Variants in FBN3 observed in about 807,000 individuals in gnomAD.
FBN3 encodes the protein fibrillin-3.
FBN3 carries 234 observed loss-of-function variants against 330.1 expected under a neutral mutation model. That is an observed-to-expected ratio of 0.71 (90% CI 0.64 to 0.79). FBN3 has a LOEUF of 0.79. Ranked by LOEUF, FBN3 falls within the 30% of genes least tolerant of loss-of-function variation. The pLI, the probability that FBN3 is intolerant of heterozygous loss-of-function variation, is 0.00. For synonymous variants in FBN3, 1,458 were observed against 1,517.3 expected, an observed-to-expected ratio of 0.96 and a Z score of 0.91; for missense variants, 3,606 against 3,886.9, an observed-to-expected ratio of 0.93 and a Z score of 1.92.
chr19:8,077,024 A>G (rs964314457), intron 59 of FBN3, among the ~76,000 whole-genome samples: 3 of 152,176 alleles, frequency 2.0e-5, no homozygotes, highest in African/African-American at 7.2e-5. Flanking sequence ...TCAGCCTCCC[A>G]AAGTGCTGGG....
rs530026176 is a variant in FBN3 at position 8,072,795 on chromosome 19, C to T, written c.7937+268G>A. Among the ~76,000 whole-genome samples, 186 of 152,132 alleles carry T rather than the reference C, an allele frequency of 1.2e-3. 1 individual carries two copies. The highest frequency in any genetic ancestry group is 3.9e-3 in the African/African-American group (162 of 41,508). On this transcript the variant is annotated intron_variant, in intron 62 of 63. Transcript: ENST00000600128. ...ACAAGGGTGCCCACGCATGCTGGTACGGGTGTGTGCCATGTGGACAACTAC... is the reference window on the plus strand; with the variant it reads ...ACAAGGGTGCCCACGCATGCTGGTATGGGTGTGTGCCATGTGGACAACTAC...
intron 61 of FBN3, among the ~76,000 whole-genome samples, chr19:8,073,734 C>T (rs1302290131): frequency 6.6e-6 from 1 of 152,194 alleles, no homozygotes; most frequent in Non-Finnish European, 1.5e-5. Context: ...GGCTGGAGTG[C>T]AGTGGTGCAA....
At chr19:8,116,922 G>C (rs1229451801) in intron 28 of FBN3, 123 bp from the exon 29 acceptor site, 2 of 1,273,116 alleles carry the variant, frequency 1.6e-6, no homozygotes, top group Admixed American at 2.4e-5. Flanking sequence ...CACTCGAGTA[G>C]TCTGGGGGCG....
chr19:8,098,902 C>T (rs2082268229), intron 41 of FBN3, among the ~76,000 whole-genome samples: 1 of 152,234 alleles, frequency 6.6e-6, no homozygotes, highest in East Asian at 1.9e-4. Flanking sequence ...CCTAAGTGTC[C>T]ATCAGTGGGG....
rs953858262 is a variant in FBN3 at position 8,133,098 on chromosome 19, C to T, written c.1600G>A (p.Glu534Lys). ...PDGKNCVDHN[E>K]CATSTMCVNG... ...ACGCACATGGTGCTGGTGGCACACT[C>T]GTTGTGGTCTGGGGACAACAGCAGA... is the stretch of plus-strand genomic sequence containing the variant. The change falls in exon 14 of 64, where the codon GAG becomes AAG. Residue 534 changes from glutamate (E) to lysine (K), a missense_variant. Glu to Lys is a moderately conservative substitution (Grantham distance 56). Transcript: ENST00000600128. The T allele has an allele frequency of 1.5e-5, 24 of 1,575,772 alleles. No individual in the cohort carries two copies. In the African/African-American group the frequency reaches 2.3e-4, roughly 15 times the overall value.
Position 8,136,051 on chromosome 19 carries a change from G to A in FBN3, c.1501C>T (p.His501Tyr). 6.2e-7 allele frequency: 1 copy of A among 1,613,432 alleles called. No individual in the cohort carries two copies. Among genetic ancestry groups the A allele is most frequent in the Non-Finnish European group, 8.5e-7 (1 of 1,179,792 alleles). Reference protein sequence around the residue: ...DECIVSGGLCHLGRCVNTEGS... With the variant: ...DECIVSGGLCYLGRCVNTEGS... Reference sequence around the variant, plus strand: ...TCTGTGTTGACACAGCGGCCCAGGTGACAAAGGCCACCACTGACAATGCAC... The same window carrying A: ...TCTGTGTTGACACAGCGGCCCAGGTAACAAAGGCCACCACTGACAATGCAC... The change falls in exon 13 of 64, where the codon CAC becomes TAC. Residue 501 changes from histidine (H) to tyrosine (Y), a missense_variant. Coordinates refer to ENST00000600128, the MANE Select transcript of FBN3 (RefSeq NM_032447.5).
intron 61 of FBN3, among the ~76,000 whole-genome samples, chr19:8,073,962 C>T (rs1001841175): frequency 2.6e-5 from 4 of 152,152 alleles, no homozygotes; most frequent in South Asian, 2.1e-4. Flanking sequence ...ACTACCATGG[C>T]GGATCCCAAT....
intron 7 of FBN3, 46 bp downstream of exon 7, chr19:8,141,894 C>A: frequency 6.2e-7 from 1 of 1,612,430 alleles, no homozygotes; most frequent in Non-Finnish European, 8.5e-7. Flanking sequence ...GAGGGAAGAA[C>A]CAAGGCAGCT....
chr19:8,135,936 G>GTCCCCCCCCCCCCC, intron 13 of FBN3, 25 bp downstream of exon 13: 1 of 668,778 alleles, frequency 1.5e-6, no homozygotes, highest in Non-Finnish European at 2.4e-6. Flanking sequence ...GGAAGCCCCT[G>GTCCCCCCCCCCCCC]CCCACCCGCC....
chr19:8,131,026 T>G lies in FBN3; in HGVS notation c.2044+209A>C, dbSNP rs2083133707. ...CCGGGACAGATTCTCCCTCAAAGCC[T>G]CCAAGGGAACCAGCCCTGCCCGCAC... On this transcript the variant is annotated intron_variant, in intron 16 of 63. Coordinates refer to ENST00000600128, the MANE Select transcript of FBN3 (RefSeq NM_032447.5). This position sits in a 1 kb window ranked among gnomAD's most constrained non-coding sequence, Gnocchi z 4.5. Among the ~76,000 whole-genome samples, 1 of 152,148 alleles carries G rather than the reference T, an allele frequency of 6.6e-6. No individual in the cohort carries two copies. The highest frequency in any genetic ancestry group is 1.5e-5 in the Non-Finnish European group (1 of 67,976).
chr19:8,073,009 G>A (rs1000577088), intron 62 of FBN3, 54 bp downstream of exon 62: 34 of 1,143,762 alleles, frequency 3.0e-5, no homozygotes, highest in African/African-American at 1.6e-4. Flanking sequence ...GTGTGCGTGC[G>A]TGCATGGACG....
intron 63 of FBN3, 92 bp from the exon 64 acceptor site, chr19:8,066,352 T>G: frequency 5.5e-6 from 5 of 914,152 alleles, no homozygotes; most frequent in Non-Finnish European, 8.2e-6. Context: ...AAAGAGGAGA[T>G]TCTGGCCAAT....
Position 8,131,313 on chromosome 19 carries a change from A to G in FBN3, c.1991-25T>C. 1.2e-6 allele frequency: 2 copies of G among 1,610,212 alleles called. No homozygotes were observed. Among genetic ancestry groups the G allele is most frequent in the Non-Finnish European group, 1.7e-6 (2 of 1,178,744 alleles). On this transcript the variant is annotated intron_variant, in intron 15 of 63. Transcript: ENST00000600128. The surrounding 1 kb of genome is among the most constrained non-coding windows in gnomAD (Gnocchi z 4.5). ...GCTGGGGATGGAGGGACAGAGTGAG[A>G]CGGGTCAGGGAGCTTAGCCATGGCT...
chr19:8,111,248 G>C, intron 32 of FBN3, 65 bp from the exon 33 acceptor site: 4 of 1,518,428 alleles, frequency 2.6e-6, no homozygotes, highest in Middle Eastern at 1.8e-4. Flanking sequence ...GGGTGGGCAG[G>C]AGGCCCCAGT....
chr19:8,140,627 T>C (rs2083389567), intron 8 of FBN3, among the ~76,000 whole-genome samples: 1 of 152,114 alleles, frequency 6.6e-6, no homozygotes, highest in Admixed American at 6.6e-5. Flanking sequence ...TCAATCTTCA[T>C]TGAGCTAGGT....
At position 8,086,280 on chromosome 19, in the gene FBN3, C is replaced by G. The variant is rs1205708353; in HGVS notation, c.6800G>C (p.Arg2267Pro). 101 of 1,611,734 alleles carry G rather than the reference C, an allele frequency of 6.3e-5. No homozygotes were observed. The highest frequency in any genetic ancestry group is 8.1e-5 in the Non-Finnish European group (95 of 1,178,760). Residue 2267 changes from arginine to proline, a missense_variant, in exon 55 of 64, where the codon CGC (arginine) becomes CCC (proline). Transcript: ENST00000600128. ...HAQPDLCVNG[R>P]CVNTAGSFRC... ...GAAGCTGCCCGCGGTGTTGACACAG[C>G]GGCCGTTGACACAGAGGTCAGGCTG...
At position 8,143,494 on chromosome 19, in the gene FBN3, TTTC is replaced by T. The variant is rs923834607; in HGVS notation, c.542-1360_542-1358del. On this transcript the variant is annotated intron_variant, in intron 6 of 63. Transcript: ENST00000600128. Reference sequence around the variant, plus strand: ...TGTCCGTTCTCCTTTTTTCTTTTCTTTTCTTTTTTTTTTTTTTTTTGAGACAGG... The same window carrying T: ...TGTCCGTTCTCCTTTTTTCTTTTCTTTTTTTTTTTTTTTTTTTGAGACAGG... Among the ~76,000 whole-genome samples, 3 of 119,598 alleles carry T rather than the reference TTTC, an allele frequency of 2.5e-5. No homozygotes were observed. The East Asian group carries it at 7.2e-4, about 29-fold the overall frequency. The allele number at this position is 119,598 out of a possible 152,430, so 78.5% of individuals were successfully genotyped here.
chr19:8,106,310 G>A, intron 37 of FBN3, 77 bp from the exon 38 acceptor site: 1 of 1,516,742 alleles, frequency 6.6e-7, no homozygotes, highest in Middle Eastern at 1.7e-4. Flanking sequence ...ACCATGCTCT[G>A]GGTTCTCCAG....
chr19:8,089,825 AC>A, intron 50 of FBN3, 68 bp downstream of exon 50: 2 of 1,534,374 alleles, frequency 1.3e-6, no homozygotes, highest in South Asian at 2.5e-5. Flanking sequence ...AAACTCAGAG[AC>A]CCAGGCAGTG....
Sources: allele counts gnomAD v4.1 joint callset (sites outside exome capture counted in the v4.1 genomes callset), GRCh38; gene constraint gnomAD v4.1.1; non-coding constraint Gnocchi (gnomAD v3.1); transcripts MANE v1.5; gene names NCBI Gene and HGNC (gene_info 2026-07-23, HGNC 2026-07-21).